The following OPHN1 variants were observed in gnomAD, a reference collection of about 807,000 sequenced individuals.
OPHN1 encodes the protein oligophrenin-1.
OPHN1 carries 11 observed loss-of-function variants against 60.7 expected under a neutral mutation model. That is an observed-to-expected ratio of 0.18 (90% confidence interval 0.11 to 0.30). The LOEUF is 0.30. Ranked by LOEUF, OPHN1 falls within the 10% of genes least tolerant of loss-of-function variation. The pLI is 1.00. For missense variants in OPHN1, 449 were observed against 611.0 expected (o/e 0.73, Z 2.80); for synonymous variants, 226 against 222.6 (o/e 1.02, Z -0.14).
intron 2 of OPHN1, among the ~76,000 whole-genome samples, chrX:68,322,330 T>C (rs947082149): frequency 1.2e-4 from 13 of 111,549 alleles, no homozygotes; most frequent in African/African-American, 4.2e-4. Context: ...CAGGCATTTA[T>C]CCCAGAGAAA....
chrX:68,193,972 A>G lies in OPHN1; in HGVS notation c.1139-20T>C, dbSNP rs1569239361. On this transcript the variant is annotated intron_variant, in intron 13 of 24. Transcript: ENST00000355520. ...GCTCCACTGTTTCAAGCAAAGGAAAAGAGTTAGATCCTGCTGCAACAGGTG... is the reference window on the plus strand; with the variant it reads ...GCTCCACTGTTTCAAGCAAAGGAAAGGAGTTAGATCCTGCTGCAACAGGTG... 1 of 1,177,014 alleles carries G rather than the reference A, an allele frequency of 8.5e-7. No individual in the cohort carries two copies. Among genetic ancestry groups the G allele is most frequent in the African/African-American group, 1.8e-5 (1 of 56,610 alleles).
At chrX:68,143,767 C>T (rs2077252666) in intron 15 of OPHN1, among the ~76,000 whole-genome samples, 1 of 111,707 alleles carries the variant, frequency 9.0e-6, no homozygotes, top group Non-Finnish European at 1.9e-5. Context: ...TCCTGAGTGA[C>T]TCCACTAGAG....
intron 2 of OPHN1, among the ~76,000 whole-genome samples, chrX:68,405,962 G>C (rs2078740639): frequency 9.2e-6 from 1 of 109,230 alleles, no homozygotes; most frequent in Non-Finnish European, 1.9e-5. Context: ...TGGCCAACAT[G>C]GTAAAAACCC....
At chrX:68,126,466 A>T (rs1168193607) in intron 15 of OPHN1, among the ~76,000 whole-genome samples, 1 of 109,705 alleles carries the variant, frequency 9.1e-6, no homozygotes, top group Non-Finnish European at 1.9e-5. Context: ...TTTTTTTGAG[A>T]CAGAGTCTCA....
intron 2 of OPHN1, among the ~76,000 whole-genome samples, chrX:68,331,657 C>T (rs1241743468): frequency 1.9e-5 from 2 of 106,838 alleles, no homozygotes; most frequent in Non-Finnish European, 3.8e-5. Flanking sequence ...CTTGAATCCA[C>T]CAGACACAGG....
chrX:68,292,682 A>G (rs2078076105), intron 3 of OPHN1, among the ~76,000 whole-genome samples: 1 of 111,446 alleles, frequency 9.0e-6, no homozygotes, highest in Non-Finnish European at 1.9e-5. Flanking sequence ...GAGGCACCGT[A>G]CCCAGCCCAA....
intron 11 of OPHN1, among the ~76,000 whole-genome samples, chrX:68,198,871 C>T (rs1456925461): frequency 2.7e-5 from 3 of 111,630 alleles, no homozygotes; most frequent in African/African-American, 6.5e-5. Context: ...CCTACCTTCT[C>T]TTACTTCATT....
intron 19 of OPHN1, among the ~76,000 whole-genome samples, chrX:68,084,960 T>C (rs2076989854): frequency 8.9e-6 from 1 of 112,375 alleles, no homozygotes; most frequent in Non-Finnish European, 1.9e-5. Flanking sequence ...CCTGCAGTCA[T>C]CACGGATTGC....
intron 2 of OPHN1, among the ~76,000 whole-genome samples, chrX:68,317,380 G>GAAAGAAAGAAAGAAAGAAAGAAAGAAAGA (rs397961005): frequency 1.9e-4 from 5 of 26,113 alleles, no homozygotes; most frequent in African/African-American, 5.7e-4. Context: ...AGAAAGAAAG[G>GAAAGAAAGAAAGAAAGAAAGAAAGAAAGA]AAGGAAGGAA....
At chrX:68,352,428 G>A (rs1012737228) in intron 2 of OPHN1, among the ~76,000 whole-genome samples, 3 of 108,877 alleles carry the variant, frequency 2.8e-5, no homozygotes, top group African/African-American at 1.0e-4. Flanking sequence ...ATTATCAGCC[G>A]GACAGTGCTT....
At chrX:68,230,973 A>G (rs1651964409) in intron 6 of OPHN1, among the ~76,000 whole-genome samples, 1 of 111,766 alleles carries the variant, frequency 8.9e-6, no homozygotes, top group African/African-American at 3.3e-5. Context: ...AAAACCAAAA[A>G]GCTGGTTCTT....
At chrX:68,186,171 G>T (rs1444222000) in intron 15 of OPHN1, among the ~76,000 whole-genome samples, 1 of 111,569 alleles carries the variant, frequency 9.0e-6, no homozygotes, top group East Asian at 2.8e-4. Flanking sequence ...CTAAGTTGCA[G>T]GAGGCTGGTG....
Position 68,115,363 on chromosome X carries a change from C to T in OPHN1, c.1362-2124G>A, listed in dbSNP as rs775348259. On this transcript the variant is annotated intron_variant, in intron 16 of 24. Transcript: ENST00000355520. ...ACTTCATTCAGTTTTATTTCCTGGT[C>T]CCTGTAGATATTTCAGTTTTCAGTT... is the stretch of plus-strand genomic sequence containing the variant. 2.7e-5 allele frequency among the ~76,000 whole-genome samples: 3 copies of T among 111,789 alleles called. No homozygotes were observed. In the East Asian group the frequency reaches 8.5e-4, roughly 32 times the overall value.
intron 2 of OPHN1, among the ~76,000 whole-genome samples, chrX:68,410,400 AAAC>A (rs770848697): frequency 1.7e-4 from 19 of 110,877 alleles, no homozygotes; most frequent in South Asian, 3.9e-4. Flanking sequence ...AAGAGCAAAA[AAAC>A]AACAACAAAA....
chrX:68,061,664 T>C (rs1202721342), intron 21 of OPHN1, among the ~76,000 whole-genome samples: 3 of 111,857 alleles, frequency 2.7e-5, no homozygotes. Context: ...CTTTTAATCC[T>C]AGCAATAATA....
At chrX:68,400,468 T>C (rs940431116) in intron 2 of OPHN1, among the ~76,000 whole-genome samples, 2 of 111,479 alleles carry the variant, frequency 1.8e-5, no homozygotes, top group Admixed American at 1.9e-4. Flanking sequence ...CAGGTTTAAT[T>C]GGCTCACAGT....
rs772744282 is a variant in OPHN1 at position 68,379,598 on chromosome X, C to T, written c.154+53269G>A. 1.7e-3 allele frequency among the ~76,000 whole-genome samples: 182 copies of T among 106,484 alleles called. 1 individual carries two copies. Among genetic ancestry groups the T allele is most frequent in the African/African-American group, 5.1e-3 (145 of 28,661 alleles). The allele number at this position is 106,484 out of a possible 115,157, so 92.5% of individuals were successfully genotyped here. The stretch of plus-strand genomic sequence containing the variant: ...AGATAGCTCTTATTATTTTGAGATA[C>T]GTCCCATCAATACCTAATTTATTGA... On this transcript the variant is annotated intron_variant, in intron 2 of 24. Coordinates refer to ENST00000355520, the MANE Select transcript of OPHN1 (RefSeq NM_002547.3).
At chrX:68,274,105 T>G (rs966733729) in intron 5 of OPHN1, among the ~76,000 whole-genome samples, 8 of 111,663 alleles carry the variant, frequency 7.2e-5, no homozygotes, top group African/African-American at 2.6e-4. Context: ...TCCACCCCCA[T>G]GATGCAATCA....
chrX:68,389,695 A>G (rs2078644059), intron 2 of OPHN1, among the ~76,000 whole-genome samples: 1 of 106,716 alleles, frequency 9.4e-6, no homozygotes, highest in Admixed American at 1.0e-4. Flanking sequence ...CATGTACAGG[A>G]TGTTCCAATA....
Sources: gnomAD v4.1 joint callset for allele counts (sites outside exome capture counted in the v4.1 genomes callset) on GRCh38, gnomAD v4.1.1 for gene constraint, MANE v1.5 for transcripts, NCBI Gene and HGNC (gene_info 2026-07-23, HGNC 2026-07-21) for gene names.